RBFOX1: variants seen among roughly 807,000 people sequenced by gnomAD.
RBFOX1 encodes RNA binding fox-1 homolog 1, also known as RNA binding protein fox-1 homolog 1.
A neutral mutation model predicts 57.7 loss-of-function variants in RBFOX1; 8 were observed. The observed-to-expected ratio is 0.14, with a 90% CI of 0.08 to 0.25. The LOEUF is 0.25. RBFOX1 is among the 10% of genes least tolerant of loss of function. The pLI, the probability that RBFOX1 is intolerant of heterozygous loss-of-function variation, is 1.00. For missense variants in RBFOX1, 611 were observed against 548.5 expected (o/e 1.11, Z -1.14); for synonymous variants, 326 against 222.4 (o/e 1.47, Z -4.15).
chr16:6,662,192 G>T (rs911746185), intron 3 of RBFOX1, among the ~76,000 whole-genome samples: 1 of 152,084 alleles, frequency 6.6e-6, no homozygotes, highest in Non-Finnish European at 1.5e-5. Flanking sequence ...ATCAGATTAA[G>T]TTATAGATAA....
intron 1 of RBFOX1, among the ~76,000 whole-genome samples, chr16:6,027,873 TG>T (rs1429288400): frequency 6.6e-6 from 1 of 152,166 alleles, no homozygotes; most frequent in Non-Finnish European, 1.5e-5. Context: ...TTGAGATCGT[TG>T]ACAGACTTGA....
chr16:6,881,061 C>G (rs747542389), intron 3 of RBFOX1, among the ~76,000 whole-genome samples: 1 of 152,202 alleles, frequency 6.6e-6, no homozygotes, highest in Non-Finnish European at 1.5e-5. Context: ...GCAGACATTG[C>G]TAATCAATCA....
In RBFOX1 at chr16:5,370,052, C is replaced by T. The variant is rs537227982; in HGVS notation, c.220-97164C>T. ...CTGCATCTATTCCATGTATTGAGCA[C>T]CTACTATGTGCTGGGCACCATTCTC... is the stretch of plus-strand genomic sequence containing the variant. On this transcript the variant is annotated intron_variant, in intron 1 of 2. Coordinates refer to the RBFOX1 transcript ENST00000585867. Among the ~76,000 whole-genome samples the T allele has an allele frequency of 3.3e-5, 5 of 152,208 alleles. No homozygotes were observed. The South Asian group carries it at 8.3e-4, about 25-fold the overall frequency.
At chr16:6,338,338 C>T (rs1599785990) in intron 2 of RBFOX1, among the ~76,000 whole-genome samples, 1 of 152,092 alleles carries the variant, frequency 6.6e-6, no homozygotes, top group African/African-American at 2.4e-5. Flanking sequence ...AGACAACTTG[C>T]CAATGTTGAA....
intron 4 of RBFOX1, among the ~76,000 whole-genome samples, chr16:5,911,212 T>G (rs1319711972): frequency 1.3e-5 from 2 of 152,154 alleles, no homozygotes; most frequent in Admixed American, 1.3e-4. Flanking sequence ...GGATCCACCC[T>G]GTTCTCTAGG....
At chr16:5,761,126 G>A (rs1482361639) in intron 3 of RBFOX1, among the ~76,000 whole-genome samples, 1 of 152,114 alleles carries the variant, frequency 6.6e-6, no homozygotes, top group Non-Finnish European at 1.5e-5. Context: ...AAGATGAAGG[G>A]GTAGTGTTTC....
chr16:6,970,186 TAAAA>T (rs750338949), intron 3 of RBFOX1, among the ~76,000 whole-genome samples: 34 of 148,146 alleles, frequency 2.3e-4, no homozygotes, highest in African/African-American at 6.2e-4. Context: ...GGGAAAAAAA[TAAAA>T]AAGAAAGAAA....
intron 3 of RBFOX1, among the ~76,000 whole-genome samples, chr16:6,791,711 A>G (rs1236285107): frequency 6.6e-6 from 1 of 152,294 alleles, no homozygotes; most frequent in South Asian, 2.1e-4. Context: ...GTGAGCAGAG[A>G]TCGTGCCACA....
intron 3 of RBFOX1, among the ~76,000 whole-genome samples, chr16:6,787,244 G>A (rs940461197): frequency 2.0e-5 from 3 of 152,148 alleles, no homozygotes; most frequent in African/African-American, 4.8e-5. Flanking sequence ...TCTCTATGCA[G>A]TTCCCTAACT....
chr16:6,396,568 G>A (rs748960165), intron 2 of RBFOX1, among the ~76,000 whole-genome samples: 2 of 152,170 alleles, frequency 1.3e-5, no homozygotes, highest in African/African-American at 4.8e-5. Flanking sequence ...TGAAAGAACC[G>A]AGTGGATACT....
At chr16:6,921,210 T>C (rs1015398727) in intron 3 of RBFOX1, among the ~76,000 whole-genome samples, 2 of 152,208 alleles carry the variant, frequency 1.3e-5, no homozygotes, top group African/African-American at 4.8e-5. Flanking sequence ...TGTTACAAAT[T>C]ACCCACACAC....
At chr16:6,827,994 TG>T (rs2092359556) in intron 3 of RBFOX1, among the ~76,000 whole-genome samples, 1 of 152,212 alleles carries the variant, frequency 6.6e-6, no homozygotes, top group Admixed American at 6.5e-5. Flanking sequence ...GTCTGCTTTT[TG>T]CTCATCAATT....
intron 2 of RBFOX1, among the ~76,000 whole-genome samples, chr16:5,474,074 A>G (rs1257066024): frequency 6.6e-6 from 1 of 152,146 alleles, no homozygotes; most frequent in Admixed American, 6.5e-5. Flanking sequence ...GCATGGACAG[A>G]CAAGTGGGCA....
chr16:5,921,407 G>C (rs1317831797), intron 4 of RBFOX1, among the ~76,000 whole-genome samples: 1 of 152,182 alleles, frequency 6.6e-6, no homozygotes, highest in Non-Finnish European at 1.5e-5. Flanking sequence ...TAGGAGCAAA[G>C]TACCTGGGAT....
chr16:6,378,788 C>A (rs997676750), intron 2 of RBFOX1, among the ~76,000 whole-genome samples: 2 of 152,224 alleles, frequency 1.3e-5, no homozygotes, highest in East Asian at 1.9e-4. Flanking sequence ...TTATCTTCAT[C>A]TGTAATTCTC....
intron 1 of RBFOX1, among the ~76,000 whole-genome samples, chr16:6,244,799 C>A (rs1022891086): frequency 6.6e-6 from 1 of 152,146 alleles, no homozygotes; most frequent in African/African-American, 2.4e-5. Context: ...TGAGCCAACA[C>A]ACCCGGCAAA....
At chr16:5,427,697 G>C (rs1371188865) in intron 1 of RBFOX1, among the ~76,000 whole-genome samples, 2 of 152,180 alleles carry the variant, frequency 1.3e-5, no homozygotes, top group Admixed American at 1.3e-4. Context: ...AAGCTCAAAG[G>C]CCGTCTGCTG....
chr16:7,518,331 C>G lies in RBFOX1; in HGVS notation c.212C>G (p.Thr71Arg), dbSNP rs781081302. The G allele has an allele frequency of 2.5e-6, 4 of 1,613,928 alleles. No individual in the cohort carries two copies. In the South Asian group the frequency reaches 4.4e-5, roughly 18 times the overall value. Residue 71 changes from threonine (T) to arginine (R), a missense_variant, in exon 5 of 16, where the codon ACG (threonine) becomes AGG (arginine). This residue lies in a region of RBFOX1 where 245 missense variants were observed against 159.1 expected (regional missense o/e 1.54). Coordinates refer to ENST00000550418, the MANE Select transcript of RBFOX1 (RefSeq NM_018723.4). ...TTAAACCTGTACCCTCCCGCCCAGACGCACTCCGAGCAGAGCCCGGCGGAC... is the reference window on the plus strand; with the variant it reads ...TTAAACCTGTACCCTCCCGCCCAGAGGCACTCCGAGCAGAGCCCGGCGGAC... ...HTLNLYPPAQ[T>R]HSEQSPADTS...
intron 4 of RBFOX1, among the ~76,000 whole-genome samples, chr16:7,297,160 G>A (rs74349290): frequency 0.051 from 7,832 of 152,228 alleles, 274 homozygotes; most frequent in South Asian, 0.15. Context: ...CCTGCAGGGA[G>A]GAGGGAAGGC....
Sources: gnomAD v4.1 joint callset for allele counts (sites outside exome capture counted in the v4.1 genomes callset) on GRCh38, gnomAD v4.1.1 for gene constraint, gnomAD v4.1.1 regional missense constraint, MANE v1.5 for transcripts, NCBI Gene and HGNC (gene_info 2026-07-23, HGNC 2026-07-21) for gene names.